Variants in SAMTOR observed in about 807,000 individuals in gnomAD.
SAMTOR encodes UPF0532 protein C7orf60.
At chr7:112,902,416 C>CAAAAAAAACAAAAA in the SAMTOR span, among the ~76,000 whole-genome samples, 1 of 12,318 alleles carries the variant, frequency 8.1e-5, no homozygotes, top group Non-Finnish European at 1.4e-4. Context: ...AACTCCGTCT[C>CAAAAAAAACAAAAA]AAAAAAAAAA....
At chr7:112,876,831 G>T in the SAMTOR span, among the ~76,000 whole-genome samples, 4 of 152,130 alleles carry the variant, frequency 2.6e-5, no homozygotes, top group Admixed American at 2.6e-4. Flanking sequence ...AAAATACAAT[G>T]TATTTATGTA....
At chr7:112,907,846 T>C in the SAMTOR span, among the ~76,000 whole-genome samples, 12 of 111,356 alleles carry the variant, frequency 1.1e-4, no homozygotes, top group Non-Finnish European at 1.7e-4. Context: ...TACTTACTTA[T>C]TTATTTATTT....
chr7:112,856,669 G>A, the SAMTOR span, among the ~76,000 whole-genome samples: 1 of 151,924 alleles, frequency 6.6e-6, no homozygotes, highest in Non-Finnish European at 1.5e-5. Flanking sequence ...AAAACATAAG[G>A]GAATATTAAT....
the SAMTOR span, among the ~76,000 whole-genome samples, chr7:112,910,515 T>C: frequency 2.0e-5 from 3 of 152,268 alleles, no homozygotes; most frequent in Non-Finnish European, 2.9e-5. Flanking sequence ...GGAAAGAGGA[T>C]TGATCCACAA....
chr7:112,877,820 G>T, the SAMTOR span, among the ~76,000 whole-genome samples: 1 of 152,020 alleles, frequency 6.6e-6, no homozygotes, highest in African/African-American at 2.4e-5. Context: ...GCAACTCCCC[G>T]AAGTCCCCCA....
chr7:112,900,523 G>A, the SAMTOR span, among the ~76,000 whole-genome samples: 10 of 152,148 alleles, frequency 6.6e-5, no homozygotes, highest in African/African-American at 1.2e-4. Context: ...AAATATCTGC[G>A]TACCTTTTGA....
At chr7:112,857,140 G>A in the SAMTOR span, among the ~76,000 whole-genome samples, 11 of 140,734 alleles carry the variant, frequency 7.8e-5, no homozygotes, top group South Asian at 2.2e-4. Flanking sequence ...GCCGGACTGC[G>A]GACTGCAGTG....
chr7:112,863,934 A>G, the SAMTOR span, among the ~76,000 whole-genome samples: 1 of 152,250 alleles, frequency 6.6e-6, no homozygotes, highest in African/African-American at 2.4e-5. Flanking sequence ...ATTCTATTAT[A>G]AAGACACATG....
At chr7:112,895,674 G>A in the SAMTOR span, 1 of 1,586,072 alleles carries the variant, frequency 6.3e-7, no homozygotes, top group Non-Finnish European at 8.6e-7. Flanking sequence ...GGCAAGTACA[G>A]CTCTTTTTTC....
chr7:112,824,058 G>A, the SAMTOR span, among the ~76,000 whole-genome samples: 1 of 119,192 alleles, frequency 8.4e-6, no homozygotes, highest in Non-Finnish European at 1.6e-5. Context: ...GGTTTTGAGA[G>A]TTCTTTATTC....
the SAMTOR span, chr7:112,915,521 T>C: frequency 2.5e-6 from 3 of 1,210,844 alleles, no homozygotes; most frequent in African/African-American, 1.6e-5. Context: ...TTTAGCACAA[T>C]CTGAAATTAT....
the SAMTOR span, among the ~76,000 whole-genome samples, chr7:112,846,319 C>T: frequency 7.9e-5 from 12 of 151,056 alleles, no homozygotes; most frequent in East Asian, 1.9e-4. Flanking sequence ...GTGATGAGGA[C>T]GTATGGATAT....
the SAMTOR span, among the ~76,000 whole-genome samples, chr7:112,923,734 A>G: frequency 1.3e-5 from 2 of 152,040 alleles, no homozygotes; most frequent in Non-Finnish European, 2.9e-5. Context: ...CTATAAAGAC[A>G]CATGCACACG....
chr7:112,902,171 G>A, the SAMTOR span, among the ~76,000 whole-genome samples: 2 of 151,908 alleles, frequency 1.3e-5, no homozygotes, highest in African/African-American at 2.4e-5. Context: ...GGGAGGCCGA[G>A]GTGGGTGGAT....
At chr7:112,847,934 T>G in the SAMTOR span, among the ~76,000 whole-genome samples, 2 of 152,064 alleles carry the variant, frequency 1.3e-5, no homozygotes, top group Non-Finnish European at 2.9e-5. Context: ...AGACCAGAAG[T>G]TCAAGACCAG....
chr7:112,900,547 T>C, the SAMTOR span, among the ~76,000 whole-genome samples: 1 of 152,180 alleles, frequency 6.6e-6, no homozygotes, highest in Non-Finnish European at 1.5e-5. Context: ...AGTAAAGTTG[T>C]GAATAATATT....
At chr7:112,869,706 T>C in the SAMTOR span, among the ~76,000 whole-genome samples, 2 of 152,110 alleles carry the variant, frequency 1.3e-5, no homozygotes, top group Non-Finnish European at 2.9e-5. Flanking sequence ...ATGAGCTCCC[T>C]AGCAATGGAT....
At chr7:112,869,051 G>C in the SAMTOR span, among the ~76,000 whole-genome samples, 1 of 152,158 alleles carries the variant, frequency 6.6e-6, no homozygotes, top group Non-Finnish European at 1.5e-5. Flanking sequence ...TGCCCCAACA[G>C]AAGGAGGAAC....
chr7:112,935,306 C>A, the SAMTOR span: 1 of 373,624 alleles, frequency 2.7e-6, no homozygotes, highest in Non-Finnish European at 5.2e-6. Context: ...AAAGGAGTCT[C>A]ATTCTAATTT....
Sources: gnomAD v4.1 joint callset for allele counts (sites outside exome capture counted in the v4.1 genomes callset) on GRCh38, gnomAD v4.1.1 for gene constraint, MANE v1.5 for transcripts, NCBI Gene and HGNC (gene_info 2026-07-23, HGNC 2026-07-21) for gene names.